ARFGEF3: variants seen among roughly 807,000 people sequenced by gnomAD.
ARFGEF3 encodes ARFGEF family member 3, also known as brefeldin A-inhibited guanine nucleotide-exchange protein 3.
In ARFGEF3, 96 loss-of-function variants were observed where a neutral mutation model predicts 221.7. The observed-to-expected ratio is 0.43, with a 90% confidence interval of 0.37 to 0.51. The LOEUF (loss-of-function observed/expected upper bound fraction) is 0.51, where lower values mean the gene tolerates loss of function less well. ARFGEF3 is among the 20% of genes least tolerant of loss of function. The probability of loss-of-function intolerance (pLI) is 0.00; values close to 1 mark genes in which losing one functional copy is unlikely to be tolerated. For synonymous variants in ARFGEF3, 1,145 were observed against 1,126.8 expected (o/e 1.02, Z -0.32); for missense variants, 2,410 against 2,789.9 (o/e 0.86, Z 3.07).
At chr6:138,297,841 G>T (rs1326569180) in intron 21 of ARFGEF3, among the ~76,000 whole-genome samples, 1 of 152,082 alleles carries the variant, frequency 6.6e-6, no homozygotes, top group Non-Finnish European at 1.5e-5. Flanking sequence ...GATCTCACTG[G>T]CTTTAATTGT....
At chr6:138,222,235 A>G (rs910845241) in intron 4 of ARFGEF3, among the ~76,000 whole-genome samples, 3 of 152,014 alleles carry the variant, frequency 2.0e-5, no homozygotes, top group Non-Finnish European at 2.9e-5. Flanking sequence ...ATACACTAAC[A>G]CTACCGATAG....
intron 4 of ARFGEF3, among the ~76,000 whole-genome samples, chr6:138,213,157 G>A (rs954403733): frequency 6.6e-6 from 1 of 151,746 alleles, no homozygotes; most frequent in African/African-American, 2.4e-5. Flanking sequence ...GCATGGTGGC[G>A]GGTGCCTGTG....
At position 138,187,541 on chromosome 6, in the gene ARFGEF3, G is replaced by A. The variant is rs73774679; in HGVS notation, c.137+16828G>A. 8.4e-3 allele frequency among the ~76,000 whole-genome samples: 1,278 copies of A among 152,298 alleles called. 27 individuals carry two copies. Among genetic ancestry groups the A allele is most frequent in the African/African-American group, 0.029 (1,188 of 41,548 alleles). ...GGCTCTCAAGGGACAATTGGGTAGC[G>A]CCCAGCCTGCATAAGAATATTGGGT... On this transcript the variant is annotated intron_variant, in intron 2 of 33. Coordinates refer to ENST00000251691, the MANE Select transcript of ARFGEF3 (RefSeq NM_020340.5).
intron 2 of ARFGEF3, among the ~76,000 whole-genome samples, chr6:138,201,583 A>T (rs755379634): frequency 7.9e-5 from 12 of 152,222 alleles, no homozygotes; most frequent in Non-Finnish European, 1.5e-4. Flanking sequence ...AAAACCACAC[A>T]TCGTATGTTC....
chr6:138,170,290 T>C (rs1445480944), intron 1 of ARFGEF3, among the ~76,000 whole-genome samples: 3 of 152,248 alleles, frequency 2.0e-5, no homozygotes, highest in Non-Finnish European at 4.4e-5. Context: ...TGAATTATTG[T>C]GTAAGGATAT....
At chr6:138,284,728 T>C (rs1259776430) in intron 14 of ARFGEF3, among the ~76,000 whole-genome samples, 3 of 152,258 alleles carry the variant, frequency 2.0e-5, no homozygotes, top group African/African-American at 7.2e-5. Context: ...ATCAGCCTCA[T>C]GGCCTTGAAC....
At chr6:138,202,168 A>C (rs1777549021) in intron 2 of ARFGEF3, among the ~76,000 whole-genome samples, 1 of 152,216 alleles carries the variant, frequency 6.6e-6, no homozygotes, top group Admixed American at 6.5e-5. Flanking sequence ...GTGCATAAAA[A>C]ATAATCGCCT....
At chr6:138,234,446 A>G (rs1489275129) in intron 5 of ARFGEF3, among the ~76,000 whole-genome samples, 5 of 151,904 alleles carry the variant, frequency 3.3e-5, no homozygotes, top group African/African-American at 1.2e-4. Flanking sequence ...GCTGTTTCCT[A>G]GAAATAATAA....
rs372447202 is a variant in ARFGEF3, at chr6:138,249,911, G to A, written c.666-3969G>A. The stretch of plus-strand genomic sequence containing the variant: ...CACAGGATGCTTAGCATAGCTGTAA[G>A]GGAAGACCTTTATGTCCACCTGGTA... On this transcript the variant is annotated intron_variant, in intron 8 of 33. Coordinates refer to ENST00000251691, the MANE Select transcript of ARFGEF3 (RefSeq NM_020340.5). 5.9e-5 allele frequency among the ~76,000 whole-genome samples: 9 copies of A among 152,302 alleles called. No homozygotes were observed. The East Asian group carries it at 1.7e-3, about 29-fold the overall frequency.
Position 138,311,540 on chromosome 6 carries a change from C to A in ARFGEF3, c.4200+30C>A, listed in dbSNP as rs777863106. On this transcript the variant is annotated intron_variant, in intron 25 of 33. Transcript: ENST00000251691. ...GGGAATGGTCCAGCTGGGCTCCCGG[C>A]CTGGAAACCTGCCTCGGAACATGCT... The A allele has an allele frequency of 2.7e-6, 4 of 1,465,284 alleles. No homozygotes were observed. In the Admixed American group the frequency reaches 7.7e-5, roughly 28 times the overall value. The allele number at this position is 1,465,284 out of a possible 1,614,324, so 90.8% of individuals were successfully genotyped here. A position where few individuals can be genotyped will look rare whatever the true frequency, so the allele number is the denominator to read the frequency against.
chr6:138,210,134 G>A, intron 4 of ARFGEF3, 93 bp downstream of exon 4: 13 of 1,294,570 alleles, frequency 1.0e-5, no homozygotes, highest in Non-Finnish European at 1.4e-5. Flanking sequence ...CTGCGTTGTG[G>A]TCATGCTAGC....
chr6:138,343,338 G>GA lies in ARFGEF3; in HGVS notation c.*6854dup, dbSNP rs1237682511. The GA allele has an allele frequency of 6.6e-6, 1 of 152,124 alleles. No homozygotes were observed. Among genetic ancestry groups the GA allele is most frequent in the African/African-American group, 2.4e-5 (1 of 41,428 alleles). 9.4% of individuals were successfully genotyped at this position (152,124 alleles called of 1,614,324 possible). A position where few individuals can be genotyped will look rare whatever the true frequency, so the allele number is the denominator to read the frequency against. On this transcript the variant is annotated 3_prime_UTR_variant, in exon 34 of 34. Transcript: ENST00000251691. ...TTTAAATTAGTTTAGACTATTGTAG[G>GA]AATGGAAGGAAATGATTATATTTAC...
chr6:138,223,889 A>G (rs1778029789), intron 4 of ARFGEF3, among the ~76,000 whole-genome samples: 1 of 152,168 alleles, frequency 6.6e-6, no homozygotes. Flanking sequence ...TTTTTATTTT[A>G]TGACCATCTT....
chr6:138,312,742 C>G (rs1261958283), intron 25 of ARFGEF3, among the ~76,000 whole-genome samples: 2 of 152,206 alleles, frequency 1.3e-5, no homozygotes, highest in Non-Finnish European at 2.9e-5. Context: ...TGCACAGTTG[C>G]TCTGTTGCCC....
chr6:138,206,475 A>T (rs910193794), intron 2 of ARFGEF3, among the ~76,000 whole-genome samples: 1 of 151,932 alleles, frequency 6.6e-6, no homozygotes, highest in African/African-American at 2.4e-5. Context: ...CTGTCACAAG[A>T]CTCAGATCTA....
At chr6:138,214,746 G>A (rs1777803124) in intron 4 of ARFGEF3, among the ~76,000 whole-genome samples, 1 of 152,054 alleles carries the variant, frequency 6.6e-6, no homozygotes, top group South Asian at 2.1e-4. Flanking sequence ...AATATTCCAA[G>A]GATAGTATTC....
At chr6:138,254,052 G>A (rs1480507984) in intron 9 of ARFGEF3, 68 bp downstream of exon 9, 1 of 1,067,676 alleles carries the variant, frequency 9.4e-7, no homozygotes, top group East Asian at 2.7e-5. Context: ...TGTGTCTCTG[G>A]GTCCCTCTCC....
chr6:138,297,063 G>A (rs1779539229), intron 21 of ARFGEF3, 108 bp downstream of exon 21: 1 of 1,292,320 alleles, frequency 7.7e-7, no homozygotes, highest in Non-Finnish European at 1.1e-6. Context: ...GTGGCCATTG[G>A]GCAGTGGGAA....
chr6:138,312,126 G>A (rs1406538241), intron 25 of ARFGEF3, among the ~76,000 whole-genome samples: 7 of 152,084 alleles, frequency 4.6e-5, no homozygotes, highest in South Asian at 2.1e-4. Flanking sequence ...ATTGCACTCC[G>A]GCCTGGGTGA....
Sources: allele counts gnomAD v4.1 joint callset (sites outside exome capture counted in the v4.1 genomes callset), GRCh38; gene constraint gnomAD v4.1.1; transcripts MANE v1.5; gene names NCBI Gene and HGNC (gene_info 2026-07-23, HGNC 2026-07-21).